TAFA1: variants seen among roughly 807,000 people sequenced by gnomAD.
TAFA1 encodes chemokine-like protein TAFA-1.
In TAFA1, 4 loss-of-function variants were observed where a neutral mutation model predicts 18.5. The observed-to-expected ratio is 0.22, with a 90% CI of 0.11 to 0.49. TAFA1 has a LOEUF of 0.49. TAFA1 is among the 20% of genes least tolerant of loss of function. TAFA1 has a pLI of 0.98. For synonymous variants in TAFA1, 56 were observed against 55.2 expected (o/e 1.01, Z -0.06); for missense variants, 147 against 169.0 (o/e 0.87, Z 0.72).
chr3:68,514,260 A>G (rs1005944117), intron 3 of TAFA1, among the ~76,000 whole-genome samples: 7 of 152,190 alleles, frequency 4.6e-5, no homozygotes, highest in Non-Finnish European at 8.8e-5. Context: ...ATGGCCTTTG[A>G]ACTGAGAGCC....
At chr3:68,421,625 T>G (rs927445525) in intron 3 of TAFA1, among the ~76,000 whole-genome samples, 2 of 151,694 alleles carry the variant, frequency 1.3e-5, no homozygotes, top group African/African-American at 4.8e-5. Context: ...GAATGACATT[T>G]GCTTCCTAAG....
rs571686451 is a variant in TAFA1, at chr3:68,520,115, G to A, written c.260-18641G>A. On this transcript the variant is annotated intron_variant, in intron 3 of 4. Coordinates refer to ENST00000478136, the MANE Select transcript of TAFA1 (RefSeq NM_213609.4). ...TTTTTTTTCTTTGGGAAAAGTTGTC[G>A]TCTCAGAAAGTAAAATGAAAATGGT... Among the ~76,000 whole-genome samples, 99 of 152,202 alleles carry A rather than the reference G, an allele frequency of 6.5e-4. 1 individual carries two copies. The highest frequency in any genetic ancestry group is 2.0e-3 in the African/African-American group (84 of 41,550).
intron 3 of TAFA1, among the ~76,000 whole-genome samples, chr3:68,433,065 T>G (rs1030805543): frequency 2.0e-5 from 3 of 152,050 alleles, no homozygotes; most frequent in Non-Finnish European, 4.4e-5. Flanking sequence ...GACATCTCCG[T>G]TTGGATTTCT....
chr3:68,486,015 C>A (rs769586547), intron 3 of TAFA1, among the ~76,000 whole-genome samples: 3 of 152,090 alleles, frequency 2.0e-5, no homozygotes, highest in Admixed American at 2.0e-4. Flanking sequence ...GCAGCTTCGA[C>A]CTCCTGGGCT....
chr3:68,097,739 G>T (rs2065102155), intron 2 of TAFA1, among the ~76,000 whole-genome samples: 1 of 152,110 alleles, frequency 6.6e-6, no homozygotes, highest in Non-Finnish European at 1.5e-5. Context: ...CTTGTTGAAT[G>T]AGTGTATGCA....
intron 2 of TAFA1, among the ~76,000 whole-genome samples, chr3:68,159,028 T>C (rs1319807044): frequency 6.6e-6 from 1 of 152,190 alleles, no homozygotes; most frequent in African/African-American, 2.4e-5. Flanking sequence ...CCAACCACAT[T>C]ACAAGCATTG....
intron 2 of TAFA1, among the ~76,000 whole-genome samples, chr3:68,106,366 A>G (rs2065204545): frequency 1.3e-5 from 2 of 152,164 alleles, no homozygotes; most frequent in Admixed American, 6.6e-5. Context: ...CCAGCCAAAG[A>G]GGCTATTGAG....
intron 2 of TAFA1, among the ~76,000 whole-genome samples, chr3:68,208,929 G>A (rs1431951957): frequency 6.6e-6 from 1 of 151,932 alleles, no homozygotes; most frequent in Non-Finnish European, 1.5e-5. Flanking sequence ...TAATGGAAGA[G>A]ACAAAATGTC....
At chr3:68,530,712 G>A (rs1452588276) in intron 3 of TAFA1, among the ~76,000 whole-genome samples, 1 of 151,958 alleles carries the variant, frequency 6.6e-6, no homozygotes, top group African/African-American at 2.4e-5. Context: ...GTTCACTTGT[G>A]GGAATTTCTA....
chr3:68,271,203 G>T (rs999306188), intron 2 of TAFA1, among the ~76,000 whole-genome samples: 2 of 151,882 alleles, frequency 1.3e-5, no homozygotes, highest in South Asian at 2.1e-4. Context: ...ATCTCTTCAT[G>T]AGGGTGCAAG....
At chr3:68,527,076 T>TA (rs2073120171) in intron 3 of TAFA1, among the ~76,000 whole-genome samples, 1 of 152,144 alleles carries the variant, frequency 6.6e-6, no homozygotes, top group African/African-American at 2.4e-5. Flanking sequence ...AACCATTTAT[T>TA]AAAAATTATT....
chr3:68,493,066 A>G lies in TAFA1; in HGVS notation c.260-45690A>G, dbSNP rs74944603. 5.6e-3 allele frequency among the ~76,000 whole-genome samples: 857 copies of G among 152,268 alleles called. 8 individuals carry two copies. The highest frequency in any genetic ancestry group is 0.01 in the Middle Eastern group (3 of 294). On this transcript the variant is annotated intron_variant, in intron 3 of 4. Transcript: ENST00000478136. ...CAGTTTAGTAGCATTAAGTACATTC[A>G]TATTGTTGTGCAAATCATCTCCAGA...
chr3:68,345,175 G>A (rs1181867675), intron 2 of TAFA1, among the ~76,000 whole-genome samples: 1 of 152,138 alleles, frequency 6.6e-6, no homozygotes, highest in East Asian at 1.9e-4. Flanking sequence ...CAGACCAACT[G>A]TGAACCTCTG....
chr3:68,536,949 T>C (rs1263888853), intron 3 of TAFA1, among the ~76,000 whole-genome samples: 1 of 152,208 alleles, frequency 6.6e-6, no homozygotes, highest in Non-Finnish European at 1.5e-5. Context: ...TTGACTTTTA[T>C]TTTGCAACTT....
intron 2 of TAFA1, among the ~76,000 whole-genome samples, chr3:68,270,759 G>A (rs114062511): frequency 6.6e-6 from 1 of 152,240 alleles, no homozygotes; most frequent in African/African-American, 2.4e-5. Flanking sequence ...GTGCCTGACT[G>A]GCCCACTGGC....
rs190971045 is a variant in TAFA1 at position 68,462,324 on chromosome 3, T to C, written c.259+44904T>C. Among the ~76,000 whole-genome samples the C allele has an allele frequency of 1.3e-4, 20 of 152,214 alleles. No homozygotes were observed. The East Asian group carries it at 3.7e-3, about 28-fold the overall frequency. On this transcript the variant is annotated intron_variant, in intron 3 of 4. Coordinates refer to ENST00000478136, the MANE Select transcript of TAFA1 (RefSeq NM_213609.4). ...GACCTGGTGAGGGGTAATCGAATCA[T>C]GGGGGCAAGTCTTCCCTGTGCTGTT...
chr3:68,037,290 T>C (rs1464803676), intron 2 of TAFA1, among the ~76,000 whole-genome samples: 3 of 152,078 alleles, frequency 2.0e-5, no homozygotes, highest in Non-Finnish European at 4.4e-5. Flanking sequence ...GAAGGGGCTT[T>C]TGTCTGGAGA....
upstream of TAFA1, among the ~76,000 whole-genome samples, chr3:68,000,553 G>C (rs993027960): frequency 7.0e-4 from 106 of 152,202 alleles, no homozygotes; most frequent in African/African-American, 2.4e-3. Flanking sequence ...TTCATGCAGA[G>C]CCTTGTCAAC....
intron 2 of TAFA1, among the ~76,000 whole-genome samples, chr3:68,106,470 G>C (rs1333435850): frequency 6.6e-6 from 1 of 152,100 alleles, no homozygotes; most frequent in African/African-American, 2.4e-5. Flanking sequence ...TGTGACTGGT[G>C]ATTGTTGTGT....
Sources: allele counts gnomAD v4.1 joint callset (sites outside exome capture counted in the v4.1 genomes callset), GRCh38; gene constraint gnomAD v4.1.1; transcripts MANE v1.5; gene names NCBI Gene and HGNC (gene_info 2026-07-23, HGNC 2026-07-21).